The following LRRC9 variants were observed in gnomAD, a reference collection of about 807,000 sequenced individuals.
LRRC9 encodes the protein leucine-rich repeat-containing protein 9.
Under a neutral mutation model 63.2 loss-of-function variants are expected in LRRC9, and 122 were observed. The observed-to-expected ratio is 1.93, with a 90% CI of 1.67 to 2.24. LRRC9 has a LOEUF of 2.24. Among genes scored for constraint, LRRC9 ranks in the 30% most tolerant of loss-of-function variants. LRRC9 has a pLI of 0.00. For missense variants in LRRC9, 1,071 were observed against 627.7 expected (o/e 1.71, Z -7.55); for synonymous variants, 366 against 213.1 (o/e 1.72, Z -6.25).
intron 18 of LRRC9, 64 bp downstream of exon 18, chr14:59,997,911 CTT>C: frequency 1.6e-6 from 1 of 606,600 alleles, no homozygotes; most frequent in African/African-American, 1.8e-5. Context: ...TCCCTACTAA[CTT>C]TACTATTTAG....
In LRRC9 at chr14:60,047,353, C is replaced by T. The variant is rs78827902; in HGVS notation, c.3991-5712C>T. ...TAGAGACATGACAACTTGTCTTATG[C>T]CAGTTTTCAAGGGAAATGCTTGAAA... On this transcript the variant is annotated intron_variant, in intron 29 of 31. Coordinates refer to ENST00000445360, the Ensembl canonical transcript of LRRC9. Among the ~76,000 whole-genome samples, 1,455 of 152,036 alleles carry T rather than the reference C, an allele frequency of 9.6e-3. 27 individuals carry two copies. Among genetic ancestry groups the T allele is most frequent in the African/African-American group, 0.033 (1,374 of 41,496 alleles).
intron 17 of LRRC9, among the ~76,000 whole-genome samples, chr14:59,993,224 G>C (rs1888359595): frequency 6.6e-6 from 1 of 152,144 alleles, no homozygotes; most frequent in South Asian, 2.1e-4. Flanking sequence ...CTTCATAAGT[G>C]AAGGAGAAAT....
chr14:60,019,739 T>C (rs1391619918), intron 26 of LRRC9, among the ~76,000 whole-genome samples: 1 of 151,742 alleles, frequency 6.6e-6, no homozygotes, highest in East Asian at 1.9e-4. Flanking sequence ...TTCTAAATTA[T>C]TTATCTGGTC....
chr14:59,957,466 T>C (rs1883887616), intron 8 of LRRC9, among the ~76,000 whole-genome samples: 1 of 152,080 alleles, frequency 6.6e-6, no homozygotes, highest in Non-Finnish European at 1.5e-5. Context: ...ATGCTGTGTT[T>C]TTCAGCTCCA....
chr14:60,018,285 G>A (rs1890854651), intron 24 of LRRC9, 86 bp from the exon 25 acceptor site: 1 of 670,680 alleles, frequency 1.5e-6, no homozygotes, highest in African/African-American at 1.8e-5. Context: ...AAATGTCTTT[G>A]GTGGCTGTAT....
chr14:59,975,129 ATATATATATACATATATATATG>A (rs1886079583), intron 13 of LRRC9, among the ~76,000 whole-genome samples: 1 of 11,112 alleles, frequency 9.0e-5, no homozygotes, highest in African/African-American at 1.6e-4. Flanking sequence ...ATATATATGT[ATATATATATACATATATATATG>A]TATATATATA....
rs558298543 is a variant in LRRC9 at position 59,923,802 on chromosome 14, G to A, written c.-34+3919G>A. 1.3e-5 allele frequency among the ~76,000 whole-genome samples: 2 copies of A among 152,254 alleles called. No individual in the cohort carries two copies. The highest frequency in any genetic ancestry group is 1.9e-4 in the East Asian group (1 of 5,184). ...AAAAATACAAAAAAATTAGCCGGGC[G>A]TGGTGGCAGGCGCCTATAGTTCCAG... On this transcript the variant is annotated intron_variant, in intron 1 of 31. Transcript: ENST00000445360. The surrounding 1 kb of genome is among the most constrained non-coding windows in gnomAD (Gnocchi z 4.2).
intron 12 of LRRC9, among the ~76,000 whole-genome samples, chr14:59,970,077 T>C (rs192464227): frequency 7.2e-5 from 11 of 152,168 alleles, no homozygotes; most frequent in Admixed American, 7.2e-4. Context: ...TTAAGCCTAG[T>C]ACCCATTAGT....
chr14:60,044,205 C>T (rs1893214930), intron 29 of LRRC9, among the ~76,000 whole-genome samples: 1 of 151,550 alleles, frequency 6.6e-6, no homozygotes, highest in Non-Finnish European at 1.5e-5. Flanking sequence ...CTTTCTTAGC[C>T]CAGCTAAAGG....
At chr14:60,018,450 A>G (rs1890869109) in exon 25 of LRRC9, 1 of 700,110 alleles carries the variant, frequency 1.4e-6, no homozygotes, top group Non-Finnish European at 2.6e-6. Context: ...TACCTCATTC[A>G]GTGGATTAAT....
intron 15 of LRRC9, 145 bp from the exon 16 acceptor site, chr14:59,981,703 C>T: frequency 1.7e-6 from 1 of 599,554 alleles, no homozygotes; most frequent in East Asian, 2.8e-5. Context: ...AATCTGCTCT[C>T]ATAGATGTCC....
intron 7 of LRRC9, among the ~76,000 whole-genome samples, chr14:59,939,089 A>G (rs1367049197): frequency 6.8e-6 from 1 of 147,610 alleles, no homozygotes; most frequent in Non-Finnish European, 1.5e-5. Flanking sequence ...ATACACATAT[A>G]TACATATATA....
chr14:59,982,625 GGAGT>G (rs1474534298), intron 16 of LRRC9, among the ~76,000 whole-genome samples: 1 of 62,424 alleles, frequency 1.6e-5, no homozygotes, highest in East Asian at 3.4e-4. Context: ...GAAGGCAGAG[GGAGT>G]AAGTTTCCAA....
rs898226716 is a variant in LRRC9, at chr14:60,027,962, G to T, written c.3782G>T (p.Arg1261Leu). ...TTGGTAGTGGACCATAACCGCATCC[G>T]ATCATTTAATGACAGTGCTTTTGCC... is the stretch of plus-strand genomic sequence containing the variant. The change falls in exon 28 of 32, where the codon CGA (arginine) becomes CTA (leucine). Residue 1261 changes from arginine (R) to leucine (L), a missense_variant. By Grantham distance (102) the Arg-to-Leu change is moderately radical (BLOSUM62 -2). Transcript: ENST00000445360. The surrounding 1 kb of genome is among the most constrained non-coding windows in gnomAD (Gnocchi z 4.0). 14 of 701,636 alleles carry T rather than the reference G, an allele frequency of 2.0e-5. No individual in the cohort carries two copies. The African/African-American group carries it at 2.3e-4, about 11-fold the overall frequency. 43.5% of individuals were successfully genotyped at this position (701,636 alleles called of 1,614,324 possible). A position where few individuals can be genotyped will look rare whatever the true frequency, so the allele number is the denominator to read the frequency against.
intron 29 of LRRC9, among the ~76,000 whole-genome samples, chr14:60,049,041 T>C (rs1012063523): frequency 6.6e-6 from 1 of 152,166 alleles, no homozygotes; most frequent in African/African-American, 2.4e-5. Flanking sequence ...ATCACATAAT[T>C]ATTTCAATAG....
chr14:59,989,354 T>C (rs1887810023), intron 17 of LRRC9, among the ~76,000 whole-genome samples: 2 of 152,082 alleles, frequency 1.3e-5, no homozygotes, highest in African/African-American at 4.8e-5. Context: ...GTCTCTTCAT[T>C]CATTTCTTAT....
Position 59,966,560 on chromosome 14 carries a change from AT to A in LRRC9, c.1212-28del. ...TTAAGGAAAATCTATTATTTTCTTC[AT>A]GTATATTCTGTATGTATTCCCACAT... is the stretch of plus-strand genomic sequence containing the variant. On this transcript the variant is annotated intron_variant, in intron 10 of 31. Coordinates refer to ENST00000445360, the Ensembl canonical transcript of LRRC9. This position sits in a 1 kb window ranked among gnomAD's most constrained non-coding sequence, Gnocchi z 4.0. 2 of 556,658 alleles carry A rather than the reference AT, an allele frequency of 3.6e-6. No homozygotes were observed. Among genetic ancestry groups the A allele is most frequent in the Non-Finnish European group, 6.5e-6 (2 of 308,106 alleles). The allele number at this position is 556,658 out of a possible 1,614,324, so 34.5% of individuals were successfully genotyped here.
intron 8 of LRRC9, among the ~76,000 whole-genome samples, chr14:59,959,448 A>G (rs1450348405): frequency 6.6e-6 from 1 of 152,226 alleles, no homozygotes; most frequent in African/African-American, 2.4e-5. Flanking sequence ...CATTATTTGA[A>G]TTTTAAATAT....
intron 28 of LRRC9, among the ~76,000 whole-genome samples, chr14:60,028,728 T>C (rs781183973): frequency 6.6e-6 from 1 of 152,178 alleles, no homozygotes; most frequent in Non-Finnish European, 1.5e-5. Flanking sequence ...CTGTTAGCTC[T>C]CCTTTTACCA....
Sources: gnomAD v4.1 joint callset for allele counts (sites outside exome capture counted in the v4.1 genomes callset) on GRCh38, gnomAD v4.1.1 for gene constraint, Gnocchi (gnomAD v3.1) non-coding constraint, MANE v1.5 for transcripts, NCBI Gene and HGNC (gene_info 2026-07-23, HGNC 2026-07-21) for gene names.